ZC3H4: variants seen among roughly 807,000 people sequenced by gnomAD.
ZC3H4 encodes the protein zinc finger CCCH domain-containing protein 4.
ZC3H4 carries 13 observed loss-of-function variants against 108.3 expected under a neutral mutation model. The observed-to-expected ratio is 0.12, with a 90% confidence interval of 0.08 to 0.19. The LOEUF (loss-of-function observed/expected upper bound fraction) is 0.19. Among genes scored for constraint, ZC3H4 ranks in the 10% least tolerant of loss-of-function variants. ZC3H4 has a pLI of 1.00. For synonymous variants in ZC3H4, 917 were observed against 749.6 expected, an observed-to-expected ratio of 1.22 and a Z score of -3.65; for missense variants, 1,734 against 1,838.8, an observed-to-expected ratio of 0.94 and a Z score of 1.04.
rs965925515 is a variant in ZC3H4 at position 47,105,990 on chromosome 19, A to C, written c.161+6434T>G. Among the ~76,000 whole-genome samples, 4 of 152,164 alleles carry C rather than the reference A, an allele frequency of 2.6e-5. No individual in the cohort carries two copies. The South Asian group carries it at 8.3e-4, about 32-fold the overall frequency. ...CGGGTTCTAACTCTGCCTGCAGCACACACTTGTTTTGTGACCTGGGACAAG... is the reference window on the plus strand; with the variant it reads ...CGGGTTCTAACTCTGCCTGCAGCACCCACTTGTTTTGTGACCTGGGACAAG... On this transcript the variant is annotated intron_variant, in intron 2 of 14. Transcript: ENST00000253048.
At chr19:47,081,372 T>C (rs1190996369) in intron 11 of ZC3H4, 141 bp downstream of exon 11, 2 of 672,086 alleles carry the variant, frequency 3.0e-6, no homozygotes, top group South Asian at 3.4e-5. Flanking sequence ...ACAGTGCCCG[T>C]GTCCTCCTTA....
chr19:47,072,423 G>A lies in ZC3H4; in HGVS notation c.1731C>T (p.Asn577=), dbSNP rs1337333122. 1 of 1,612,462 alleles carries A rather than the reference G, an allele frequency of 6.2e-7. No homozygotes were observed. The highest frequency in any genetic ancestry group is 8.5e-7 in the Non-Finnish European group (1 of 1,179,588). ...TCTCAAACAAGGAGGGGATCTTCTT[G>A]TTGTACATGTCCTGCTGCTGCAGCT... ...PQQLQQQDMY[N]KKIPSLFEIV... is the part of the protein sequence containing the mutation. Residue 577 remains asparagine (N), a synonymous_variant, in exon 12 of 15, where the codon AAC becomes AAT. Transcript: ENST00000253048. This position sits in a 1 kb window ranked among gnomAD's most constrained non-coding sequence, Gnocchi z 5.6.
At chr19:47,091,876 G>A (rs941116648) in intron 4 of ZC3H4, among the ~76,000 whole-genome samples, 1 of 152,118 alleles carries the variant, frequency 6.6e-6, no homozygotes, top group African/African-American at 2.4e-5. Flanking sequence ...TTGGGCGACA[G>A]AGCGAGACTC....
rs896415425 is a variant in ZC3H4 at position 47,092,995 on chromosome 19, T to A, written c.492+975A>T. 2.0e-5 allele frequency among the ~76,000 whole-genome samples: 3 copies of A among 151,776 alleles called. No homozygotes were observed. The East Asian group carries it at 5.8e-4, about 29-fold the overall frequency. The stretch of plus-strand genomic sequence containing the variant: ...ACTTTGAGAGGCCGAGGCAGGCGGA[T>A]CACGAGGTCAGGAGATGGAGACCAT... On this transcript the variant is annotated intron_variant, in intron 4 of 14. Coordinates refer to ENST00000253048, the MANE Select transcript of ZC3H4 (RefSeq NM_015168.2).
At chr19:47,078,508 C>T (rs900521488) in intron 11 of ZC3H4, among the ~76,000 whole-genome samples, 4 of 151,640 alleles carry the variant, frequency 2.6e-5, no homozygotes, top group Admixed American at 6.6e-5. Context: ...ATTAGCCAGG[C>T]GCATTGGTGC....
At chr19:47,080,494 G>T (rs1048332590) in intron 11 of ZC3H4, among the ~76,000 whole-genome samples, 20 of 152,010 alleles carry the variant, frequency 1.3e-4, no homozygotes, top group Admixed American at 1.3e-3. Context: ...TGTATCTTTG[G>T]TTTTTTGTGG....
chr19:47,071,741 TGCAGCCCCAG>T (rs2057329012), intron 13 of ZC3H4, 27 bp downstream of exon 13: 1 of 1,555,396 alleles, frequency 6.4e-7, no homozygotes, highest in Non-Finnish European at 8.7e-7. Context: ...GGGTAAAGCC[TGCAGCCCCAG>T]GCAGCCACAC....
chr19:47,111,055 G>A, intron 2 of ZC3H4: 1 of 345,558 alleles, frequency 2.9e-6, no homozygotes, highest in Non-Finnish European at 4.1e-6. Flanking sequence ...CCCGGCTAAG[G>A]AAGGGTCCTC....
rs200799647 is a variant in ZC3H4 at position 47,094,509 on chromosome 19, C to T, written c.261G>A (p.Gly87=). Residue 87 remains glycine (G), a synonymous_variant, in exon 3 of 15, where the codon GGG becomes GGA. Coordinates refer to ENST00000253048, the MANE Select transcript of ZC3H4 (RefSeq NM_015168.2). ...CATCCGAATCACTGTGATGCTTCTC[C>T]CCCTTTTCTTTCCGGCTTCTCTCAG... The part of the protein sequence containing the change: ...GGPERSRKEK[G]EKHHSDSDEE... 2.2e-5 allele frequency: 35 copies of T among 1,614,092 alleles called. No homozygotes were observed. In the South Asian group the frequency reaches 3.1e-4, roughly 14 times the overall value.
intron 11 of ZC3H4, among the ~76,000 whole-genome samples, chr19:47,076,325 G>GCACACACACACACACA (rs10531908): frequency 6.6e-6 from 1 of 151,044 alleles, no homozygotes; most frequent in Admixed American, 6.6e-5. Context: ...GCGCGCGCGC[G>GCACACACACACACACA]CACACACACA....
At chr19:47,081,659 G>T in intron 10 of ZC3H4, 37 bp from the exon 11 acceptor site, 2 of 1,558,934 alleles carry the variant, frequency 1.3e-6, no homozygotes. Context: ...TCATCTCACA[G>T]AACGCCCCCC....
chr19:47,089,960 G>T lies in ZC3H4; in HGVS notation c.715+7C>A, dbSNP rs780196407. 1 of 1,614,012 alleles carries T rather than the reference G, an allele frequency of 6.2e-7. No homozygotes were observed. Among genetic ancestry groups the T allele is most frequent in the South Asian group, 1.1e-5 (1 of 91,084 alleles). ...CCCAGAGGAGAAACTGTAAGGGCAG[G>T]GCTCACCTCGGCCGCGGCTGCTGCC... On this transcript the variant is annotated splice_region_variant and intron_variant, in intron 5 of 14. Coordinates refer to ENST00000253048, the MANE Select transcript of ZC3H4 (RefSeq NM_015168.2).
intron 2 of ZC3H4, chr19:47,110,991 T>C: frequency 4.5e-6 from 4 of 890,084 alleles, no homozygotes; most frequent in Non-Finnish European, 5.4e-6. Flanking sequence ...GAGGTGGGAG[T>C]GGGGAGAAGG....
At chr19:47,069,017 G>A (rs1599961702) in intron 14 of ZC3H4, 75 bp downstream of exon 14, 3 of 1,590,236 alleles carry the variant, frequency 1.9e-6, no homozygotes, top group Admixed American at 3.4e-5. Context: ...AACCCAACCT[G>A]GAACACCCCA....
rs1599958012 is a variant in ZC3H4, at chr19:47,067,964, G to A, written c.2399-95C>T. On this transcript the variant is annotated intron_variant, in intron 14 of 14. Transcript: ENST00000253048. The surrounding 1 kb of genome is among the most constrained non-coding windows in gnomAD (Gnocchi z 6.4). ...GCAGCCCACCGTGAGCAGCTCCTTT[G>A]CTTGTGCCTCTCAGAACCTCAGGTC... is the stretch of plus-strand genomic sequence containing the variant. 1.6e-6 allele frequency: 2 copies of A among 1,244,338 alleles called. No individual in the cohort carries two copies. Among genetic ancestry groups the A allele is most frequent in the East Asian group, 5.1e-5 (2 of 39,386 alleles). The allele number at this position is 1,244,338 out of a possible 1,614,324, so 77.1% of individuals were successfully genotyped here.
rs2057336117 is a variant in ZC3H4 at position 47,071,992 on chromosome 19, C to T, written c.1932G>A (p.Met644Ile). The T allele has an allele frequency of 6.2e-7, 1 of 1,604,182 alleles. No individual in the cohort carries two copies. The highest frequency in any genetic ancestry group is 1.3e-5 in the African/African-American group (1 of 74,844). The change falls in exon 13 of 15, where the codon ATG becomes ATA. Residue 644 changes from methionine to isoleucine, a missense_variant. Coordinates refer to ENST00000253048, the MANE Select transcript of ZC3H4 (RefSeq NM_015168.2). ...GCATGTCTGCGTGCATGTCTGCGTGCATGTCAGGGTGCATGTCCGGGTGCA... is the reference window on the plus strand; with the variant it reads ...GCATGTCTGCGTGCATGTCTGCGTGTATGTCAGGGTGCATGTCCGGGTGCA... Reference protein sequence around the residue: ...PDMHPDMHPDMHADMHADMPM... With the variant: ...PDMHPDMHPDIHADMHADMPM...
chr19:47,067,436 G>A lies in ZC3H4; in HGVS notation c.2832C>T (p.Leu944=), dbSNP rs749897600. 3 of 1,602,560 alleles carry A rather than the reference G, an allele frequency of 1.9e-6. No homozygotes were observed. The highest frequency in any genetic ancestry group is 2.6e-6 in the Non-Finnish European group (3 of 1,173,820). ...EKAVNIPLDP[L]PGHPLRDPRS... ...GTGGGTCCCGCAGAGGGTGCCCGGG[G>A]AGTGGGTCCAGGGGAATGTTCACGG... Residue 944 remains leucine, a synonymous_variant, in exon 15 of 15, where the codon CTC becomes CTT. Coordinates refer to ENST00000253048, the MANE Select transcript of ZC3H4 (RefSeq NM_015168.2). The surrounding 1 kb of genome is among the most constrained non-coding windows in gnomAD (Gnocchi z 6.4).
In ZC3H4 at chr19:47,081,615, G is replaced by A; in HGVS notation, c.1338C>T (p.Phe446=). 1 of 1,614,092 alleles carries A rather than the reference G, an allele frequency of 6.2e-7. No homozygotes were observed. Among genetic ancestry groups the A allele is most frequent in the Non-Finnish European group, 8.5e-7 (1 of 1,179,930 alleles). Residue 446 remains phenylalanine (F), a synonymous_variant, in exon 11 of 15, where the codon TTC becomes TTT. Transcript: ENST00000253048. ...CAGTGGTGTGGTACAGCTTACACGG[G>A]AAATCACGTTCATGGCAAATTAAGG... ...AENCPYMHGD[F]PCKLYHTTGN... is the part of the protein sequence containing the mutation.
At chr19:47,084,529 G>T in intron 8 of ZC3H4, 74 bp from the exon 9 acceptor site, 1 of 1,450,558 alleles carries the variant, frequency 6.9e-7, no homozygotes, top group Non-Finnish European at 9.6e-7. Flanking sequence ...TTAATAAGAA[G>T]CACGGGAGAA....
Sources: gnomAD v4.1 joint callset for allele counts (sites outside exome capture counted in the v4.1 genomes callset) on GRCh38, gnomAD v4.1.1 for gene constraint, Gnocchi (gnomAD v3.1) non-coding constraint, MANE v1.5 for transcripts, NCBI Gene and HGNC (gene_info 2026-07-23, HGNC 2026-07-21) for gene names.